The following HSD17B12 variants were observed in gnomAD, a reference collection of about 807,000 sequenced individuals.
The protein encoded by HSD17B12 is hydroxysteroid 17-beta dehydrogenase 12, also known as very-long-chain 3-oxoacyl-CoA reductase.
Under a neutral mutation model 39.3 loss-of-function variants are expected in HSD17B12, and 32 were observed. That is an observed-to-expected ratio of 0.81 (90% CI 0.61 to 1.09). The LOEUF is 1.09. Among genes scored for constraint, HSD17B12 ranks in the 50% least tolerant of loss-of-function variants. The pLI is 0.00. For synonymous variants in HSD17B12, 150 were observed against 146.7 expected (o/e 1.02, Z -0.16); for missense variants, 342 against 382.9 (o/e 0.89, Z 0.89).
chr11:43,783,397 C>CTT (rs1349708824), intron 3 of HSD17B12, among the ~76,000 whole-genome samples: 8 of 133,060 alleles, frequency 6.0e-5, no homozygotes, highest in South Asian at 2.4e-4. Flanking sequence ...CTCCAAAGAG[C>CTT]TTTTTTTTTT....
At chr11:43,817,725 A>G (rs538382799) in intron 6 of HSD17B12, among the ~76,000 whole-genome samples, 5 of 151,958 alleles carry the variant, frequency 3.3e-5, no homozygotes, top group East Asian at 1.9e-4. Context: ...TACCAGTCCC[A>G]TGCTGTTTGG....
intron 1 of HSD17B12, among the ~76,000 whole-genome samples, chr11:43,726,937 A>C (rs1263957139): frequency 1.3e-5 from 2 of 152,238 alleles, no homozygotes; most frequent in Non-Finnish European, 2.9e-5. Flanking sequence ...ATTCTAAAAA[A>C]ATTTTTAAGG....
the HSD17B12 span, among the ~76,000 whole-genome samples, chr11:43,571,711 A>C: frequency 2.0e-5 from 3 of 152,186 alleles, no homozygotes; most frequent in Admixed American, 6.5e-5. Flanking sequence ...GGCAACCAAA[A>C]AAAAAGGGGG....
At chr11:43,747,224 TACAG>T (rs1427845549) in intron 1 of HSD17B12, among the ~76,000 whole-genome samples, 1 of 152,186 alleles carries the variant, frequency 6.6e-6, no homozygotes, top group African/African-American at 2.4e-5. Context: ...ACTAGAATCT[TACAG>T]AAGAATTAAG....
Position 43,714,151 on chromosome 11 carries a change from G to T in HSD17B12, c.160+33164G>T, listed in dbSNP as rs564982324. On this transcript the variant is annotated intron_variant, in intron 1 of 10. Transcript: ENST00000278353. ...AATTAGATCCCATTTGTCAATTTTG[G>T]CTTTTGTTGCCATTGCTTTTTGTGT... is the stretch of plus-strand genomic sequence containing the variant. Among the ~76,000 whole-genome samples, 1,127 of 152,232 alleles carry T rather than the reference G, an allele frequency of 7.4e-3. 13 individuals are homozygous for T. The highest frequency in any genetic ancestry group is 0.026 in the African/African-American group (1,076 of 41,538).
At chr11:43,734,494 A>G in intron 1 of HSD17B12, 1 of 627,528 alleles carries the variant, frequency 1.6e-6, no homozygotes, top group Non-Finnish European at 2.9e-6. Context: ...AGGACATTGC[A>G]TACCAGCTCT....
At chr11:43,663,299 C>T in the HSD17B12 span, among the ~76,000 whole-genome samples, 2 of 152,184 alleles carry the variant, frequency 1.3e-5, no homozygotes, top group Non-Finnish European at 2.9e-5. Context: ...AGGGTTTCAC[C>T]ATGTTGGCCA....
At chr11:43,731,777 G>A (rs1474180270) in intron 1 of HSD17B12, among the ~76,000 whole-genome samples, 1 of 152,134 alleles carries the variant, frequency 6.6e-6, no homozygotes, top group East Asian at 1.9e-4. Context: ...TAAGCTCTAG[G>A]AGGCATCATG....
At chr11:43,595,209 C>T in the HSD17B12 span, among the ~76,000 whole-genome samples, 1 of 152,230 alleles carries the variant, frequency 6.6e-6, no homozygotes, top group Non-Finnish European at 1.5e-5. Flanking sequence ...CCGCCGACCT[C>T]AAGCTGAAGG....
At chr11:43,785,386 A>C (rs901932407) in intron 3 of HSD17B12, among the ~76,000 whole-genome samples, 4 of 152,232 alleles carry the variant, frequency 2.6e-5, no homozygotes, top group Non-Finnish European at 5.9e-5. Flanking sequence ...AGTTAATATT[A>C]CATGAAAACT....
the HSD17B12 span, among the ~76,000 whole-genome samples, chr11:43,625,369 T>C: frequency 6.6e-6 from 1 of 151,542 alleles, no homozygotes; most frequent in Non-Finnish European, 1.5e-5. Flanking sequence ...CTAATAATAT[T>C]GTAAAAAAAT....
At chr11:43,817,060 C>A (rs968812084) in intron 6 of HSD17B12, among the ~76,000 whole-genome samples, 1 of 136,150 alleles carries the variant, frequency 7.3e-6, no homozygotes, top group Non-Finnish European at 1.5e-5. Flanking sequence ...ATATATATAT[C>A]TCGTGGTTTT....
chr11:43,851,931 CTTTT>C (rs1951535610), intron 9 of HSD17B12: 3 of 152,160 alleles, frequency 2.0e-5, no homozygotes, highest in Non-Finnish European at 4.4e-5. Context: ...TCTGTGGCTC[CTTTT>C]CTTGGCTCCT....
At chr11:43,833,032 CAAAAAAAAAA>C (rs59191050) in intron 7 of HSD17B12, 6 of 123,614 alleles carry the variant, frequency 4.9e-5, no homozygotes, top group Admixed American at 8.6e-5. Flanking sequence ...GACCCTGTCT[CAAAAAAAAAA>C]AAAAAAAAAA....
chr11:43,611,376 C>G, the HSD17B12 span, among the ~76,000 whole-genome samples: 1 of 152,152 alleles, frequency 6.6e-6, no homozygotes, highest in East Asian at 1.9e-4. Flanking sequence ...CTTCTAGGTC[C>G]GGTGCAAATG....
chr11:43,745,760 G>A (rs904427825), intron 1 of HSD17B12, among the ~76,000 whole-genome samples: 1 of 152,058 alleles, frequency 6.6e-6, no homozygotes, highest in Non-Finnish European at 1.5e-5. Context: ...GGCCAAGGAT[G>A]GTGTCTTATG....
chr11:43,600,569 T>C, the HSD17B12 span, among the ~76,000 whole-genome samples: 1 of 152,152 alleles, frequency 6.6e-6, no homozygotes, highest in Admixed American at 6.6e-5. Context: ...TTTCTTTATC[T>C]CTGACATTAT....
At chr11:43,822,099 A>G (rs1242918971) in intron 6 of HSD17B12, among the ~76,000 whole-genome samples, 1 of 152,202 alleles carries the variant, frequency 6.6e-6, no homozygotes, top group East Asian at 1.9e-4. Context: ...GGAAATGTCC[A>G]GGCCACCATT....
the HSD17B12 span, among the ~76,000 whole-genome samples, chr11:43,620,104 G>T: frequency 1.3e-5 from 2 of 152,216 alleles, no homozygotes; most frequent in African/African-American, 4.8e-5. Flanking sequence ...TGGCTTTGTA[G>T]TCAGCAAATC....
Sources: gnomAD v4.1 joint callset for allele counts (sites outside exome capture counted in the v4.1 genomes callset) on GRCh38, gnomAD v4.1.1 for gene constraint, MANE v1.5 for transcripts, NCBI Gene and HGNC (gene_info 2026-07-23, HGNC 2026-07-21) for gene names.